Variants in ARHGAP26 observed in about 807,000 individuals in gnomAD.
ARHGAP26 encodes the protein rho GTPase-activating protein 26.
ARHGAP26 carries 38 observed loss-of-function variants against 104.8 expected under a neutral mutation model. The observed-to-expected ratio is 0.36, with a 90% CI of 0.28 to 0.48. The LOEUF (loss-of-function observed/expected upper bound fraction) is 0.48, where lower values mean the gene tolerates loss of function less well. Among genes scored for constraint, ARHGAP26 ranks in the 20% least tolerant of loss-of-function variants. The probability of loss-of-function intolerance (pLI) is 0.99; values close to 1 mark genes in which losing one functional copy is unlikely to be tolerated. For synonymous variants in ARHGAP26, 341 were observed against 340.0 expected, an observed-to-expected ratio of 1.00 and a Z score of -0.03; for missense variants, 704 against 947.9, an observed-to-expected ratio of 0.74 and a Z score of 3.38.
chr5:142,790,218 G>A (rs1012776469), intron 1 of ARHGAP26, among the ~76,000 whole-genome samples: 3 of 152,176 alleles, frequency 2.0e-5, no homozygotes, highest in Non-Finnish European at 4.4e-5. Context: ...GTGATGGATG[G>A]TAGAGGGTAG....
At chr5:143,197,392 A>T (rs1807039460) in intron 20 of ARHGAP26, among the ~76,000 whole-genome samples, 1 of 152,212 alleles carries the variant, frequency 6.6e-6, no homozygotes, top group African/African-American at 2.4e-5. Flanking sequence ...AACCTCTGGT[A>T]TTTCCAGCAT....
Position 142,879,410 on chromosome 5 carries a change from G to C in ARHGAP26, c.349G>C (p.Glu117Gln). Residue 117 changes from glutamate to glutamine, a missense_variant, in exon 4 of 23, where the codon GAG becomes CAG. Glu to Gln is a conservative substitution (Grantham distance 29). Coordinates refer to ENST00000645722, the MANE Select transcript of ARHGAP26 (RefSeq NM_001135608.3). The stretch of plus-strand genomic sequence containing the variant: ...CAGCGAGGTGCTCATCACTCCCTTG[G>C]AGAAGTTTCGAAAGGAACAGATCGG... ...NASEVLITPL[E>Q]KFRKEQIGAA... 6.2e-7 allele frequency: 1 copy of C among 1,613,970 alleles called. No individual in the cohort carries two copies. Among genetic ancestry groups the C allele is most frequent in the Non-Finnish European group, 8.5e-7 (1 of 1,179,950 alleles).
At chr5:142,900,044 G>T (rs151139515) in intron 6 of ARHGAP26, among the ~76,000 whole-genome samples, 366 of 152,304 alleles carry the variant, frequency 2.4e-3, no homozygotes, top group African/African-American at 8.3e-3. Flanking sequence ...TCTCAAGTCA[G>T]GGGTAGTGTC....
chr5:143,098,679 G>A (rs891253005), intron 17 of ARHGAP26, among the ~76,000 whole-genome samples: 1 of 152,146 alleles, frequency 6.6e-6, no homozygotes, highest in Non-Finnish European at 1.5e-5. Context: ...TCATGGATCT[G>A]TTCTTTCTTA....
chr5:143,094,129 C>T (rs569803313), intron 17 of ARHGAP26, among the ~76,000 whole-genome samples: 133 of 152,246 alleles, frequency 8.7e-4, no homozygotes, highest in Non-Finnish European at 1.7e-3. Flanking sequence ...CTTTCTTTCC[C>T]TAATCCCGAC....
intron 17 of ARHGAP26, among the ~76,000 whole-genome samples, chr5:143,081,245 GTC>G (rs1256355693): frequency 6.6e-6 from 1 of 152,138 alleles, no homozygotes; most frequent in Admixed American, 6.5e-5. Context: ...CCAGGACAGA[GTC>G]CTGGGGCTCT....
At chr5:142,877,352 G>A (rs566107140) in intron 3 of ARHGAP26, among the ~76,000 whole-genome samples, 13 of 152,168 alleles carry the variant, frequency 8.5e-5, no homozygotes, top group African/African-American at 2.6e-4. Flanking sequence ...CATCCAGTTC[G>A]TGCTTCTGAT....
At chr5:142,794,939 G>A (rs1760671184) in intron 1 of ARHGAP26, among the ~76,000 whole-genome samples, 1 of 152,122 alleles carries the variant, frequency 6.6e-6, no homozygotes, top group Non-Finnish European at 1.5e-5. Flanking sequence ...TTGATGTCTC[G>A]TATAATGGAT....
rs1283853856 is a variant in ARHGAP26 at position 142,871,810 on chromosome 5, A to ATT, written c.155-1587_155-1586dup. ...GAGTCCCCTGCCAACATCTTTTGAC[A>ATT]TTTTGGTAAGGACCATTCTGTGAAA... is the stretch of plus-strand genomic sequence containing the variant. On this transcript the variant is annotated intron_variant, in intron 1 of 22. Transcript: ENST00000645722. This position sits in a 1 kb window ranked among gnomAD's most constrained non-coding sequence, Gnocchi z 4.1. Among the ~76,000 whole-genome samples the ATT allele has an allele frequency of 6.6e-6, 1 of 152,166 alleles. No individual in the cohort carries two copies. Among genetic ancestry groups the ATT allele is most frequent in the Non-Finnish European group, 1.5e-5 (1 of 68,036 alleles).
rs947013851 is a variant in ARHGAP26 at position 142,937,512 on chromosome 5, T to A, written c.1107+5387T>A. The stretch of plus-strand genomic sequence containing the variant: ...CAGTTTCTAAAACTAAATATTGCTG[T>A]TACTCTATGACACAGCAATTGCTCT... On this transcript the variant is annotated intron_variant, in intron 11 of 22. Transcript: ENST00000645722. 1.2e-4 allele frequency among the ~76,000 whole-genome samples: 19 copies of A among 152,200 alleles called. 1 individual carries two copies. Among genetic ancestry groups the A allele is most frequent in the Admixed American group, 8.5e-4 (13 of 15,282 alleles).
intron 1 of ARHGAP26, among the ~76,000 whole-genome samples, chr5:142,858,707 C>T (rs905643565): frequency 1.3e-5 from 2 of 152,126 alleles, no homozygotes; most frequent in African/African-American, 4.8e-5. Context: ...ATAATGTCAT[C>T]GGAGCTGTTC....
intron 1 of ARHGAP26, among the ~76,000 whole-genome samples, chr5:142,848,988 C>T (rs1750980694): frequency 6.6e-6 from 1 of 152,200 alleles, no homozygotes; most frequent in African/African-American, 2.4e-5. Flanking sequence ...TGGTTTTAAA[C>T]TAGAGGTAAT....
rs538259105 is a variant in ARHGAP26, at chr5:142,996,096, C to T, written c.1108-17984C>T. Among the ~76,000 whole-genome samples, 16 of 152,182 alleles carry T rather than the reference C, an allele frequency of 1.1e-4. No homozygotes were observed. The East Asian group carries it at 2.1e-3, about 20-fold the overall frequency. ...TAGGAGAAATACCTAATGTAGGTGACGGGTTGACGGGTGCAGCAAACCGAC... is the reference window on the plus strand; with the variant it reads ...TAGGAGAAATACCTAATGTAGGTGATGGGTTGACGGGTGCAGCAAACCGAC... On this transcript the variant is annotated intron_variant, in intron 11 of 22. Transcript: ENST00000645722.
rs144842330 is a variant in ARHGAP26 at position 143,127,395 on chromosome 5, A to G, written c.1698+6248A>G. Among the ~76,000 whole-genome samples the G allele has an allele frequency of 6.4e-4, 98 of 152,316 alleles. 3 individuals are homozygous for G. The East Asian group carries it at 0.017, about 26-fold the overall frequency. Reference sequence around the variant, plus strand: ...GCATTGCCTCTTTTGATGCCTATTAATGTTTGACAAAATAAGTTATAATAA... The same window carrying G: ...GCATTGCCTCTTTTGATGCCTATTAGTGTTTGACAAAATAAGTTATAATAA... On this transcript the variant is annotated intron_variant, in intron 18 of 22. Transcript: ENST00000645722.
intron 20 of ARHGAP26, among the ~76,000 whole-genome samples, chr5:143,162,943 T>C (rs1248218100): frequency 6.6e-6 from 1 of 151,750 alleles, no homozygotes; most frequent in Admixed American, 6.6e-5. Context: ...CAACATGACA[T>C]ACCATCTCTA....
chr5:143,197,611 C>T (rs1183194151), intron 20 of ARHGAP26, among the ~76,000 whole-genome samples: 4 of 152,114 alleles, frequency 2.6e-5, no homozygotes, highest in African/African-American at 9.7e-5. Flanking sequence ...GTTATAAACC[C>T]TTTGTTCATT....
chr5:142,795,296 G>T (rs536229646), intron 1 of ARHGAP26, among the ~76,000 whole-genome samples: 4 of 152,194 alleles, frequency 2.6e-5, no homozygotes, highest in Non-Finnish European at 4.4e-5. Flanking sequence ...ACCTCGTAGG[G>T]TTATTGTGAG....
At chr5:143,068,202 T>TA (rs1787782609) in intron 17 of ARHGAP26, among the ~76,000 whole-genome samples, 1 of 152,132 alleles carries the variant, frequency 6.6e-6, no homozygotes, top group Non-Finnish European at 1.5e-5. Flanking sequence ...TAAAATTTAT[T>TA]GAAAGGCTCC....
intron 20 of ARHGAP26, among the ~76,000 whole-genome samples, chr5:143,155,060 C>T (rs1423599171): frequency 2.0e-5 from 3 of 152,098 alleles, no homozygotes; most frequent in African/African-American, 7.2e-5. Context: ...TTCTGTTTCT[C>T]ACCCACCTCC....
Sources: allele counts gnomAD v4.1 joint callset (sites outside exome capture counted in the v4.1 genomes callset), GRCh38; gene constraint gnomAD v4.1.1; non-coding constraint Gnocchi (gnomAD v3.1); transcripts MANE v1.5; gene names NCBI Gene and HGNC (gene_info 2026-07-23, HGNC 2026-07-21).